The following LOC400499 variants were observed in gnomAD, a reference collection of about 807,000 sequenced individuals.
At chr16:11,479,048 T>G in the LOC400499 span, among the ~76,000 whole-genome samples, 1 of 152,158 alleles carries the variant, frequency 6.6e-6, no homozygotes, top group African/African-American at 2.4e-5. Context: ...CTTTGGTAAA[T>G]TGCCCAGTCC....
the LOC400499 span, among the ~76,000 whole-genome samples, chr16:11,492,488 A>G: frequency 6.6e-6 from 1 of 152,048 alleles, no homozygotes; most frequent in African/African-American, 2.4e-5. Context: ...GAAATACATA[A>G]AAAGTTAGGT....
the LOC400499 span, among the ~76,000 whole-genome samples, chr16:11,393,734 G>A: frequency 2.6e-5 from 4 of 152,128 alleles, no homozygotes; most frequent in Admixed American, 6.6e-5. Context: ...GGTTCCCCAC[G>A]CCATATCCCT....
chr16:11,427,258 G>A, the LOC400499 span, among the ~76,000 whole-genome samples: 2 of 149,648 alleles, frequency 1.3e-5, no homozygotes, highest in Admixed American at 6.7e-5. Context: ...AGCTACTTGG[G>A]AGGCTGAGGC....
At chr16:11,467,571 C>G in the LOC400499 span, among the ~76,000 whole-genome samples, 1 of 152,220 alleles carries the variant, frequency 6.6e-6, no homozygotes, top group East Asian at 1.9e-4. Context: ...ATGTTTGCAC[C>G]TCTGCACTCC....
chr16:11,423,455 A>T, the LOC400499 span, among the ~76,000 whole-genome samples: 1 of 152,384 alleles, frequency 6.6e-6, no homozygotes, highest in East Asian at 1.9e-4. Context: ...CGGAGCTCCC[A>T]GCATGCAGGG....
the LOC400499 span, among the ~76,000 whole-genome samples, chr16:11,467,647 A>C: frequency 6.6e-6 from 1 of 152,052 alleles, no homozygotes; most frequent in African/African-American, 2.4e-5. Context: ...ACAAAACCTA[A>C]ACATGACAAC....
At chr16:11,477,969 C>A in the LOC400499 span, 3 of 398,934 alleles carry the variant, frequency 7.5e-6, no homozygotes, top group Non-Finnish European at 8.8e-6. Flanking sequence ...TCCTGTGCGG[C>A]CAGGCTCAGC....
the LOC400499 span, chr16:11,522,023 C>A: frequency 2.5e-6 from 1 of 399,012 alleles, no homozygotes; most frequent in Non-Finnish European, 4.4e-6. Flanking sequence ...CCACTCCCCT[C>A]CACCAGGACG....
the LOC400499 span, among the ~76,000 whole-genome samples, chr16:11,505,437 TTTC>T: frequency 1.4e-5 from 2 of 141,308 alleles, no homozygotes; most frequent in African/African-American, 5.1e-5. Context: ...TTTTTTAATT[TTTC>T]TTTTCTTTTT....
the LOC400499 span, among the ~76,000 whole-genome samples, chr16:11,508,413 C>T: frequency 2.6e-5 from 4 of 152,212 alleles, no homozygotes; most frequent in African/African-American, 9.6e-5. Context: ...TGTTGCTAGG[C>T]CTGGGAGATT....
the LOC400499 span, chr16:11,516,187 G>A: frequency 2.5e-6 from 1 of 399,854 alleles, no homozygotes; most frequent in East Asian, 3.6e-5. Flanking sequence ...GGCCCTGCAG[G>A]AGGCTCAGCA....
the LOC400499 span, among the ~76,000 whole-genome samples, chr16:11,399,018 A>C: frequency 6.6e-6 from 1 of 152,096 alleles, no homozygotes; most frequent in African/African-American, 2.4e-5. Context: ...GGAGGTCCAG[A>C]GGAGGAAGGG....
chr16:11,478,688 G>T, the LOC400499 span: 2 of 399,052 alleles, frequency 5.0e-6, no homozygotes, highest in East Asian at 3.6e-5. Flanking sequence ...CGGGTCACCT[G>T]GGGGAGAGCC....
At chr16:11,413,437 A>C in the LOC400499 span, among the ~76,000 whole-genome samples, 4 of 152,088 alleles carry the variant, frequency 2.6e-5, no homozygotes, top group Non-Finnish European at 4.4e-5. Flanking sequence ...GGTGTGAAAG[A>C]AGCATTGGCG....
At chr16:11,498,856 C>T in the LOC400499 span, among the ~76,000 whole-genome samples, 70 of 151,334 alleles carry the variant, frequency 4.6e-4, 1 homozygote, top group African/African-American at 1.7e-3. Context: ...TACAATTCAC[C>T]TGGTCTGCAA....
the LOC400499 span, chr16:11,384,356 G>A: frequency 3.9e-4 from 452 of 1,171,880 alleles, no homozygotes; most frequent in African/African-American, 2.4e-3. Flanking sequence ...GAGGCCGGCC[G>A]TAAGACCCTG....
At chr16:11,463,858 G>C in the LOC400499 span, among the ~76,000 whole-genome samples, 3 of 152,158 alleles carry the variant, frequency 2.0e-5, no homozygotes, top group African/African-American at 7.2e-5. Flanking sequence ...TGTGTAAAGA[G>C]ATGCATATAT....
chr16:11,520,979 G>T, the LOC400499 span, among the ~76,000 whole-genome samples: 1 of 152,152 alleles, frequency 6.6e-6, no homozygotes, highest in Non-Finnish European at 1.5e-5. Flanking sequence ...GTAAACAAAT[G>T]AATAAAACTG....
the LOC400499 span, among the ~76,000 whole-genome samples, chr16:11,444,293 G>C: frequency 6.6e-6 from 1 of 152,140 alleles, no homozygotes; most frequent in East Asian, 1.9e-4. Flanking sequence ...AGCTACTTAG[G>C]AGGCTGAGGT....
Sources: gnomAD v4.1 joint callset for allele counts (sites outside exome capture counted in the v4.1 genomes callset) on GRCh38, gnomAD v4.1.1 for gene constraint, MANE v1.5 for transcripts.